The following KLC1 variants were observed in gnomAD, a reference collection of about 807,000 sequenced individuals.
KLC1 encodes the protein kinesin 2 60/70kDa.
Under a neutral mutation model 84.2 loss-of-function variants are expected in KLC1, and 30 were observed. That is an observed-to-expected ratio of 0.36 (90% CI 0.27 to 0.48). KLC1 has a LOEUF of 0.48. KLC1 is among the 20% of genes least tolerant of loss of function. The probability of loss-of-function intolerance (pLI) is 0.99; values close to 1 mark genes in which losing one functional copy is unlikely to be tolerated. For missense variants in KLC1, 499 were observed against 805.4 expected (o/e 0.62, Z 4.60); for synonymous variants, 289 against 293.3 (o/e 0.99, Z 0.15).
intron 13 of KLC1, chr14:103,686,271 A>G (rs913010472): frequency 5.1e-6 from 5 of 972,290 alleles, no homozygotes; most frequent in Non-Finnish European, 6.1e-6. Context: ...CTCACTCTTT[A>G]TCCATGAAAC....
At chr14:103,692,258 A>C in intron 14 of KLC1, 101 bp from the exon 15 acceptor site, 1 of 1,030,094 alleles carries the variant, frequency 9.7e-7, no homozygotes, top group Non-Finnish European at 1.4e-6. Context: ...TAGAGCCCCC[A>C]GTGTCACAGA....
rs762647649 is a variant in KLC1 at position 103,679,366 on chromosome 14, C to T, written c.1489-18C>T. ...AAGTGCTAATGGGTCAAACCATTTTCCCCTGCCTGGCTCACAGGGTCTTGA... is the reference window on the plus strand; with the variant it reads ...AAGTGCTAATGGGTCAAACCATTTTTCCCTGCCTGGCTCACAGGGTCTTGA... On this transcript the variant is annotated intron_variant, in intron 12 of 16. Coordinates refer to ENST00000334553, the MANE Select transcript of KLC1 (RefSeq NM_001394837.1). The T allele has an allele frequency of 2.5e-6, 4 of 1,609,502 alleles. No individual in the cohort carries two copies. The East Asian group carries it at 9.0e-5, about 36-fold the overall frequency.
chr14:103,663,033 C>T (rs1052771862), intron 5 of KLC1, 106 bp downstream of exon 5: 2 of 691,834 alleles, frequency 2.9e-6, no homozygotes, highest in African/African-American at 3.8e-5. Flanking sequence ...TATTTTTCAA[C>T]CATATCCACT....
At chr14:103,696,693 A>T in intron 15 of KLC1, 1 of 985,464 alleles carries the variant, frequency 1.0e-6, no homozygotes, top group Non-Finnish European at 1.2e-6. Context: ...GTAGACGTGT[A>T]TTCTGTTTAC....
intron 13 of KLC1, among the ~76,000 whole-genome samples, chr14:103,680,389 C>T (rs1423477043): frequency 1.3e-5 from 2 of 151,656 alleles, no homozygotes; most frequent in African/African-American, 2.4e-5. Context: ...TTTGAAGTTG[C>T]CGTAGTACAG....
At chr14:103,662,004 T>A (rs2079338233) in intron 3 of KLC1, 112 bp from the exon 4 acceptor site, 1 of 751,264 alleles carries the variant, frequency 1.3e-6, no homozygotes, top group Admixed American at 2.1e-5. Context: ...TGTTAAAAAC[T>A]GATCATCTTT....
At chr14:103,679,106 C>T (rs143361674) in intron 12 of KLC1, among the ~76,000 whole-genome samples, 22 of 152,224 alleles carry the variant, frequency 1.4e-4, no homozygotes, top group African/African-American at 5.3e-4. Context: ...AACCACATGA[C>T]CCAGCAGTTG....
intron 1 of KLC1, among the ~76,000 whole-genome samples, chr14:103,635,508 C>T (rs971076543): frequency 2.0e-5 from 3 of 152,106 alleles, no homozygotes; most frequent in Admixed American, 6.6e-5. Flanking sequence ...AATCCCAGCA[C>T]TTTGGGAGGC....
intron 9 of KLC1, among the ~76,000 whole-genome samples, chr14:103,673,969 C>T (rs918493243): frequency 5.3e-5 from 8 of 151,974 alleles, no homozygotes; most frequent in Non-Finnish European, 8.8e-5. Flanking sequence ...TGTGAGGCCC[C>T]GTAGCTGAGA....
At chr14:103,637,762 A>T (rs1033831220) in intron 1 of KLC1, among the ~76,000 whole-genome samples, 1 of 152,066 alleles carries the variant, frequency 6.6e-6, no homozygotes, top group African/African-American at 2.4e-5. Context: ...GTTGGAGTGC[A>T]GTGTCACAGT....
intron 7 of KLC1, 40 bp downstream of exon 7, chr14:103,670,323 GT>G: frequency 7.6e-7 from 1 of 1,318,072 alleles, no homozygotes; most frequent in Non-Finnish European, 1.0e-6. Flanking sequence ...TGAGATTTTT[GT>G]TTTGTGTGTG....
intron 1 of KLC1, among the ~76,000 whole-genome samples, chr14:103,633,192 G>C (rs1476139568): frequency 1.3e-5 from 2 of 151,968 alleles, no homozygotes; most frequent in African/African-American, 4.8e-5. Context: ...CGAGTAGCTG[G>C]GACTACAGGT....
At chr14:103,685,132 CT>C in intron 13 of KLC1, 1 of 1,477,796 alleles carries the variant, frequency 6.8e-7, no homozygotes, top group East Asian at 2.5e-5. Context: ...GCATTGCTGC[CT>C]GTGGAAATTA....
rs980844376 is a variant in KLC1 at position 103,701,305 on chromosome 14, C to G, written c.*106C>G. 18 of 1,231,838 alleles carry G rather than the reference C, an allele frequency of 1.5e-5. No individual in the cohort carries two copies. The highest frequency in any genetic ancestry group is 2.1e-5 in the Non-Finnish European group (18 of 872,280). 76.3% of individuals were successfully genotyped at this position (1,231,838 alleles called of 1,614,324 possible). A position where few individuals can be genotyped will look rare whatever the true frequency, so the allele number is the denominator to read the frequency against. On this transcript the variant is annotated 3_prime_UTR_variant, in exon 17 of 17. Transcript: ENST00000334553. ...GAGGGCCCCTGGCCGGGAGCCGCAG[C>G]GCTCACTCATTTCTCCTGCGTCTGT...
intron 12 of KLC1, 33 bp from the exon 13 acceptor site, chr14:103,679,351 G>A: frequency 6.3e-7 from 1 of 1,598,124 alleles, no homozygotes; most frequent in Non-Finnish European, 8.5e-7. Context: ...AAGTGCTAAT[G>A]GGTCAAACCA....
chr14:103,646,502 C>T (rs540865372), intron 1 of KLC1, among the ~76,000 whole-genome samples: 2 of 151,978 alleles, frequency 1.3e-5, no homozygotes, highest in Admixed American at 6.6e-5. Context: ...TATATGTATG[C>T]ATATATATGT....
intron 4 of KLC1, 94 bp downstream of exon 4, chr14:103,662,288 A>C (rs1025866202): frequency 4.9e-6 from 5 of 1,019,058 alleles, no homozygotes; most frequent in Non-Finnish European, 7.8e-6. Context: ...GCCTTAGTGC[A>C]TGCGGCCTGC....
chr14:103,647,702 C>G (rs1463041604), intron 1 of KLC1, among the ~76,000 whole-genome samples: 1 of 151,288 alleles, frequency 6.6e-6, no homozygotes. Flanking sequence ...ATGGTAAAAC[C>G]CCATCTCTAC....
At chr14:103,662,053 T>C in intron 3 of KLC1, 63 bp from the exon 4 acceptor site, 1 of 1,095,522 alleles carries the variant, frequency 9.1e-7, no homozygotes, top group Non-Finnish European at 1.4e-6. Flanking sequence ...ATATTAAAAA[T>C]TTTCAGGACA....
Sources: allele counts gnomAD v4.1 joint callset (sites outside exome capture counted in the v4.1 genomes callset), GRCh38; gene constraint gnomAD v4.1.1; transcripts MANE v1.5; gene names NCBI Gene and HGNC (gene_info 2026-07-23, HGNC 2026-07-21).